Variants in OPCML observed in about 807,000 individuals in gnomAD.
OPCML encodes opioid binding protein/cell adhesion molecule like.
Under a neutral mutation model 37.8 loss-of-function variants are expected in OPCML, and 13 were observed. The ratio of observed to expected loss-of-function variants is 0.34; its 90% CI spans 0.22 to 0.55. OPCML has a LOEUF of 0.55. Among genes scored for constraint, OPCML ranks in the 20% least tolerant of loss-of-function variants. The probability of loss-of-function intolerance (pLI) is 0.91; values close to 1 mark genes in which losing one functional copy is unlikely to be tolerated. For synonymous variants in OPCML, 176 were observed against 168.8 expected (o/e 1.04, Z -0.33); for missense variants, 341 against 435.6 (o/e 0.78, Z 1.93).
rs147632377 is a variant in OPCML at position 133,239,986 on chromosome 11, G to A, written c.61+292278C>T. 2.1e-3 allele frequency among the ~76,000 whole-genome samples: 317 copies of A among 152,176 alleles called. 1 individual carries two copies. Among genetic ancestry groups the A allele is most frequent in the African/African-American group, 7.2e-3 (297 of 41,538 alleles). ...GAAGAAAATAAAACGAAGGTATTTTGCCCTAGAGGGAAAAAAATTTTCGAT... is the reference window on the plus strand; with the variant it reads ...GAAGAAAATAAAACGAAGGTATTTTACCCTAGAGGGAAAAAAATTTTCGAT... On this transcript the variant is annotated intron_variant, in intron 1 of 7. Coordinates refer to ENST00000524381, the MANE Select transcript of OPCML (RefSeq NM_001012393.5).
intron 2 of OPCML, among the ~76,000 whole-genome samples, chr11:132,874,472 T>C (rs1942936567): frequency 6.9e-6 from 1 of 145,370 alleles, no homozygotes; most frequent in East Asian, 2.2e-4. Flanking sequence ...CTTCTTTCCT[T>C]CCTATTTTAA....
At chr11:133,095,812 A>G (rs1465261062) in intron 1 of OPCML, among the ~76,000 whole-genome samples, 3 of 151,768 alleles carry the variant, frequency 2.0e-5, no homozygotes, top group Non-Finnish European at 4.4e-5. Context: ...TGAAACAAGT[A>G]AAGTGTTGAG....
At chr11:133,267,449 A>G (rs1202075004) in intron 1 of OPCML, among the ~76,000 whole-genome samples, 1 of 152,184 alleles carries the variant, frequency 6.6e-6, no homozygotes, top group Non-Finnish European at 1.5e-5. Flanking sequence ...TTGCATATCT[A>G]CTGTGAAGAT....
intron 1 of OPCML, among the ~76,000 whole-genome samples, chr11:133,499,874 ATT>A (rs778116200): frequency 4.6e-4 from 55 of 120,234 alleles, no homozygotes; most frequent in Middle Eastern, 4.4e-3. Context: ...ATATATATAT[ATT>A]TTTTTTTTTT....
chr11:133,373,448 T>TATATATATATATATAC (rs966091785), intron 1 of OPCML, among the ~76,000 whole-genome samples: 72 of 132,148 alleles, frequency 5.4e-4, no homozygotes, highest in Middle Eastern at 7.9e-3. Context: ...TATATATATA[T>TATATATATATATATAC]ACACACACAC....
At chr11:132,776,093 C>T (rs1946800791) in intron 2 of OPCML, among the ~76,000 whole-genome samples, 1 of 152,072 alleles carries the variant, frequency 6.6e-6, no homozygotes, top group Non-Finnish European at 1.5e-5. Flanking sequence ...CCATGCCTGG[C>T]TAAGTTTTGT....
At chr11:132,461,171 T>C (rs60377179) in intron 4 of OPCML, among the ~76,000 whole-genome samples, 1,593 of 152,184 alleles carry the variant, frequency 0.01, 32 homozygotes, top group East Asian at 0.051. Flanking sequence ...ACCCTTAGAA[T>C]CTCTGCAGCT....
At chr11:133,276,616 A>G (rs1019651418) in intron 1 of OPCML, among the ~76,000 whole-genome samples, 1 of 152,240 alleles carries the variant, frequency 6.6e-6, no homozygotes, top group African/African-American at 2.4e-5. Context: ...AAATAAAATG[A>G]AAAATGTGAA....
At chr11:133,423,408 T>C (rs1945934051) in intron 1 of OPCML, 2 of 985,276 alleles carry the variant, frequency 2.0e-6, no homozygotes, top group South Asian at 9.4e-5. Flanking sequence ...AGGTAGGAGA[T>C]AACTCAGAGA....
intron 1 of OPCML, among the ~76,000 whole-genome samples, chr11:133,457,971 C>G (rs1329130334): frequency 6.6e-6 from 1 of 151,704 alleles, no homozygotes; most frequent in Admixed American, 6.6e-5. Flanking sequence ...ATGGTGAAAC[C>G]CTGTCTCTAC....
chr11:132,858,590 G>A (rs1043794984), intron 2 of OPCML, among the ~76,000 whole-genome samples: 5 of 145,360 alleles, frequency 3.4e-5, no homozygotes, highest in Non-Finnish European at 6.3e-5. Context: ...CTTTCTTCCC[G>A]GGGGGTGAGG....
chr11:133,244,363 G>T (rs1940842062), intron 1 of OPCML, among the ~76,000 whole-genome samples: 2 of 151,978 alleles, frequency 1.3e-5, no homozygotes, highest in Admixed American at 6.6e-5. Context: ...CTTAGTGTTT[G>T]CCAAGCACCC....
At chr11:133,293,274 A>G (rs1397420368) in intron 1 of OPCML, among the ~76,000 whole-genome samples, 1 of 152,102 alleles carries the variant, frequency 6.6e-6, no homozygotes, top group African/African-American at 2.4e-5. Context: ...TCTTTCCATC[A>G]TCCTGGAGAT....
At chr11:133,464,929 GT>G (rs1384111781) in intron 1 of OPCML, among the ~76,000 whole-genome samples, 1 of 152,178 alleles carries the variant, frequency 6.6e-6, no homozygotes, top group Non-Finnish European at 1.5e-5. Context: ...GCTCTGAGCA[GT>G]GGCTGCAGTT....
intron 1 of OPCML, among the ~76,000 whole-genome samples, chr11:133,503,325 CT>C (rs1240235455): frequency 6.6e-6 from 1 of 152,134 alleles, no homozygotes; most frequent in East Asian, 1.9e-4. Flanking sequence ...CAAAGGCTGC[CT>C]TTGAGAAGAT....
chr11:133,527,472 T>C (rs1948512685), intron 1 of OPCML, among the ~76,000 whole-genome samples: 1 of 152,234 alleles, frequency 6.6e-6, no homozygotes, highest in African/African-American at 2.4e-5. Context: ...GTTCAATAAA[T>C]GAAGGAGTAG....
chr11:133,440,339 C>T (rs562433939), intron 1 of OPCML, among the ~76,000 whole-genome samples: 10 of 147,412 alleles, frequency 6.8e-5, no homozygotes, highest in East Asian at 2.0e-4. Flanking sequence ...GCATAGGTTG[C>T]GGTGAGCCAA....
intron 2 of OPCML, among the ~76,000 whole-genome samples, chr11:132,834,663 A>G (rs907202400): frequency 2.0e-5 from 3 of 152,184 alleles, no homozygotes; most frequent in Non-Finnish European, 4.4e-5. Context: ...ATCTGTGTCC[A>G]AACTCCCTTC....
Position 132,501,436 on chromosome 11 carries a change from G to C in OPCML, c.505+27625C>G, listed in dbSNP as rs929186952. On this transcript the variant is annotated intron_variant, in intron 4 of 7. Coordinates refer to ENST00000524381, the MANE Select transcript of OPCML (RefSeq NM_001012393.5). ...TGGTCCCGGGTGCCATAGCGCTGGG[G>C]CCTGTACTTCAATGGCAAAATTTCT... is the stretch of plus-strand genomic sequence containing the variant. Among the ~76,000 whole-genome samples, 2 of 152,142 alleles carry C rather than the reference G, an allele frequency of 1.3e-5. 1 individual carries two copies. Among genetic ancestry groups the C allele is most frequent in the South Asian group, 4.1e-4 (2 of 4,824 alleles).
Sources: gnomAD v4.1 joint callset for allele counts (sites outside exome capture counted in the v4.1 genomes callset) on GRCh38, gnomAD v4.1.1 for gene constraint, MANE v1.5 for transcripts, NCBI Gene and HGNC (gene_info 2026-07-23, HGNC 2026-07-21) for gene names.